AGBL4: variants seen among roughly 807,000 people sequenced by gnomAD.
The protein encoded by AGBL4 is cytosolic carboxypeptidase 6.
A neutral mutation model predicts 66.4 loss-of-function variants in AGBL4; 58 were observed. That is an observed-to-expected ratio of 0.87 (90% confidence interval 0.71 to 1.09). AGBL4 has a LOEUF of 1.09. Ranked by LOEUF, AGBL4 falls within the 50% of genes least tolerant of loss-of-function variation. AGBL4 has a pLI of 0.00. For synonymous variants in AGBL4, 234 were observed against 222.9 expected (o/e 1.05, Z -0.44); for missense variants, 579 against 631.0 (o/e 0.92, Z 0.88).
intron 5 of AGBL4, among the ~76,000 whole-genome samples, chr1:48,881,748 A>G (rs1342074697): frequency 1.3e-5 from 2 of 152,180 alleles, no homozygotes; most frequent in Admixed American, 6.5e-5. Context: ...CATCAAAGAC[A>G]CTGATTGGGC....
intron 5 of AGBL4, among the ~76,000 whole-genome samples, chr1:48,890,181 T>C (rs2148854666): frequency 6.6e-6 from 1 of 152,140 alleles, no homozygotes; most frequent in Non-Finnish European, 1.5e-5. Context: ...ACCCTGTCTC[T>C]CACGCAGGTT....
At chr1:49,645,750 C>A (rs577134332) in intron 3 of AGBL4, among the ~76,000 whole-genome samples, 1 of 149,630 alleles carries the variant, frequency 6.7e-6, no homozygotes, top group African/African-American at 2.4e-5. Context: ...CCCCAATACC[C>A]CTCAGGAACA....
intron 1 of AGBL4, among the ~76,000 whole-genome samples, chr1:49,998,946 G>A (rs1377400257): frequency 6.6e-6 from 1 of 151,940 alleles, no homozygotes; most frequent in African/African-American, 2.4e-5. Flanking sequence ...GGTAATAAAA[G>A]CCATCTAAAC....
At chr1:48,598,180 G>T (rs148408257) in intron 9 of AGBL4, among the ~76,000 whole-genome samples, 1 of 152,190 alleles carries the variant, frequency 6.6e-6, no homozygotes, top group Non-Finnish European at 1.5e-5. Flanking sequence ...ACAGTAGAAA[G>T]ACATTTTAAC....
chr1:49,331,300 C>T (rs1645328954), intron 3 of AGBL4, among the ~76,000 whole-genome samples: 1 of 152,096 alleles, frequency 6.6e-6, no homozygotes, highest in Non-Finnish European at 1.5e-5. Context: ...CTTCTGCGGG[C>T]CCCACTTCCA....
chr1:50,013,451 G>A (rs769394170), intron 1 of AGBL4, among the ~76,000 whole-genome samples: 26 of 152,140 alleles, frequency 1.7e-4, no homozygotes, highest in Non-Finnish European at 1.6e-4. Context: ...TGTATAATAT[G>A]TGTGATGCAA....
intron 1 of AGBL4, among the ~76,000 whole-genome samples, chr1:49,955,182 G>A (rs1656492238): frequency 6.6e-6 from 1 of 151,826 alleles, no homozygotes; most frequent in Non-Finnish European, 1.5e-5. Flanking sequence ...TTCACACATT[G>A]AGGCCAATAC....
chr1:49,006,968 G>GCCTCTCCT (rs1405031740), intron 5 of AGBL4, among the ~76,000 whole-genome samples: 1 of 105,952 alleles, frequency 9.4e-6, no homozygotes, highest in Non-Finnish European at 2.3e-5. Flanking sequence ...AAAGCAGAGC[G>GCCTCTCCT]CCTCTCCTCC....
chr1:48,737,233 G>T (rs190570027), intron 6 of AGBL4, among the ~76,000 whole-genome samples: 9 of 152,206 alleles, frequency 5.9e-5, no homozygotes, highest in Admixed American at 3.3e-4. Flanking sequence ...GCAGTGAGCC[G>T]AGATCGTGCC....
intron 6 of AGBL4, among the ~76,000 whole-genome samples, chr1:48,705,615 A>T (rs1646870642): frequency 6.6e-6 from 1 of 152,252 alleles, no homozygotes; most frequent in Admixed American, 6.5e-5. Context: ...AGTAGAAATG[A>T]GATTTAAATC....
intron 5 of AGBL4, among the ~76,000 whole-genome samples, chr1:48,960,923 C>A (rs1424248729): frequency 6.6e-6 from 1 of 152,206 alleles, no homozygotes; most frequent in African/African-American, 2.4e-5. Context: ...CTATAATACA[C>A]ACTCTGCAAT....
intron 3 of AGBL4, among the ~76,000 whole-genome samples, chr1:49,456,783 C>T (rs1646400017): frequency 6.6e-6 from 1 of 151,632 alleles, no homozygotes; most frequent in Non-Finnish European, 1.5e-5. Flanking sequence ...CCTTTGCATC[C>T]TCATAACTTA....
chr1:49,124,640 C>A (rs1222598067), intron 4 of AGBL4, among the ~76,000 whole-genome samples: 1 of 152,140 alleles, frequency 6.6e-6, no homozygotes, highest in Non-Finnish European at 1.5e-5. Context: ...CTAGTTTCTT[C>A]ATGTATCAAA....
intron 2 of AGBL4, among the ~76,000 whole-genome samples, chr1:49,809,961 A>G (rs991147536): frequency 6.6e-6 from 1 of 152,188 alleles, no homozygotes; most frequent in Non-Finnish European, 1.5e-5. Context: ...TTCCCACCCC[A>G]TATTAATTAT....
intron 3 of AGBL4, among the ~76,000 whole-genome samples, chr1:49,358,368 T>A (rs567538524): frequency 6.6e-6 from 1 of 151,850 alleles, no homozygotes; most frequent in Non-Finnish European, 1.5e-5. Context: ...ATGGGTACAC[T>A]CTCGTGTAGG....
rs549572332 is a variant in AGBL4, at chr1:50,023,445, G to T, written c.34+318C>A. 2.0e-5 allele frequency among the ~76,000 whole-genome samples: 3 copies of T among 152,208 alleles called. No homozygotes were observed. The East Asian group carries it at 5.8e-4, about 30-fold the overall frequency. ...TTTCCATGACACAGCCTAGCCCTAGGATTAGCCTTCACCACAGGTGATCCC... is the reference window on the plus strand; with the variant it reads ...TTTCCATGACACAGCCTAGCCCTAGTATTAGCCTTCACCACAGGTGATCCC... On this transcript the variant is annotated intron_variant, in intron 1 of 13. Coordinates refer to ENST00000371839, the MANE Select transcript of AGBL4 (RefSeq NM_032785.4).
chr1:48,883,648 T>G (rs1425575296), intron 5 of AGBL4, among the ~76,000 whole-genome samples: 1 of 152,222 alleles, frequency 6.6e-6, no homozygotes, highest in Non-Finnish European at 1.5e-5. Context: ...GTGAGATCCT[T>G]GAAGGTGAGA....
At chr1:48,868,012 A>G (rs1159377130) in intron 5 of AGBL4, among the ~76,000 whole-genome samples, 2 of 152,178 alleles carry the variant, frequency 1.3e-5, no homozygotes, top group African/African-American at 2.4e-5. Flanking sequence ...AAGTGGGTAC[A>G]GGAGGCTGCA....
At chr1:48,594,283 C>G (rs1644962979) in intron 9 of AGBL4, among the ~76,000 whole-genome samples, 2 of 152,288 alleles carry the variant, frequency 1.3e-5, no homozygotes, top group African/African-American at 4.8e-5. Flanking sequence ...GAGATCGCAC[C>G]ATTGCACTCT....
Sources: allele counts gnomAD v4.1 joint callset (sites outside exome capture counted in the v4.1 genomes callset), GRCh38; gene constraint gnomAD v4.1.1; transcripts MANE v1.5; gene names NCBI Gene and HGNC (gene_info 2026-07-23, HGNC 2026-07-21).